Variants in ST6GAL2 observed in about 807,000 individuals in gnomAD.
The protein encoded by ST6GAL2 is ST6 beta-galactoside alpha-2,6-sialyltransferase 2.
A neutral mutation model predicts 37.5 loss-of-function variants in ST6GAL2; 24 were observed. The observed-to-expected ratio is 0.64, with a 90% CI of 0.46 to 0.90. The LOEUF is 0.90. ST6GAL2 is among the 40% of genes least tolerant of loss of function. The probability of loss-of-function intolerance (pLI) is 0.00; values close to 1 mark genes in which losing one functional copy is unlikely to be tolerated. For synonymous variants in ST6GAL2, 306 were observed against 295.1 expected, an observed-to-expected ratio of 1.04 and a Z score of -0.38; for missense variants, 715 against 712.7, an observed-to-expected ratio of 1.00 and a Z score of -0.04.
chr2:106,829,650 C>T (rs1220525877), intron 5 of ST6GAL2, among the ~76,000 whole-genome samples: 2 of 152,172 alleles, frequency 1.3e-5, no homozygotes, highest in Non-Finnish European at 2.9e-5. Flanking sequence ...CTTGCTTTTA[C>T]ACCTTGGAAT....
chr2:106,836,074 A>G (rs1304387983), intron 2 of ST6GAL2, among the ~76,000 whole-genome samples: 1 of 149,996 alleles, frequency 6.7e-6, no homozygotes, highest in East Asian at 1.9e-4. Context: ...CTAAAAGGTA[A>G]AACGGAATTT....
intron 1 of ST6GAL2, among the ~76,000 whole-genome samples, chr2:106,873,319 A>C (rs1453890088): frequency 6.6e-6 from 1 of 152,212 alleles, no homozygotes; most frequent in East Asian, 1.9e-4. Context: ...CCCAAGATCA[A>C]GGCCCTGCAT....
chr2:106,884,934 T>TATATATATATATATATATATACACAC (rs1425070594), intron 1 of ST6GAL2, among the ~76,000 whole-genome samples: 1 of 120,468 alleles, frequency 8.3e-6, no homozygotes. Flanking sequence ...TATATATATA[T>TATATATATATATATATATATACACAC]ACATACACAC....
rs537808510 is a variant in ST6GAL2, at chr2:106,867,699, C to T, written c.-58+18394G>A. On this transcript the variant is annotated intron_variant, in intron 1 of 5. Transcript: ENST00000409382. ...AGGGCACAGTGTGGTTAGGAACCCACCCCCAGCCCGACCCCCGCCGCCAAA... is the reference window on the plus strand; with the variant it reads ...AGGGCACAGTGTGGTTAGGAACCCATCCCCAGCCCGACCCCCGCCGCCAAA... Among the ~76,000 whole-genome samples the T allele has an allele frequency of 1.3e-3, 201 of 152,094 alleles. 1 individual carries two copies. Among genetic ancestry groups the T allele is most frequent in the African/African-American group, 4.3e-3 (179 of 41,490 alleles).
upstream of ST6GAL2, chr2:106,887,242 T>C: frequency 6.6e-6 from 1 of 152,272 alleles, no homozygotes; most frequent in Non-Finnish European, 1.5e-5. Context: ...GCTCGCTAGC[T>C]CCCTTTGTTC....
At chr2:106,831,756 T>G (rs1240784909) in intron 4 of ST6GAL2, among the ~76,000 whole-genome samples, 2 of 152,176 alleles carry the variant, frequency 1.3e-5, no homozygotes, top group Non-Finnish European at 2.9e-5. Flanking sequence ...GCTTTTATCT[T>G]GGGAGGTTAC....
intron 5 of ST6GAL2, among the ~76,000 whole-genome samples, chr2:106,811,030 G>A (rs1374980322): frequency 6.6e-6 from 1 of 152,134 alleles, no homozygotes; most frequent in African/African-American, 2.4e-5. Flanking sequence ...GGTTTATGGT[G>A]CCAAAGACGT....
At chr2:106,883,342 G>A (rs1242809541) in intron 1 of ST6GAL2, among the ~76,000 whole-genome samples, 1 of 152,158 alleles carries the variant, frequency 6.6e-6, no homozygotes, top group African/African-American at 2.4e-5. Context: ...CTCAAAAGTT[G>A]GAAGGAGAGC....
At chr2:106,866,517 C>A (rs1255629607) in intron 1 of ST6GAL2, among the ~76,000 whole-genome samples, 1 of 152,150 alleles carries the variant, frequency 6.6e-6, no homozygotes, top group African/African-American at 2.4e-5. Context: ...GGACTCAAAA[C>A]GAGTGCAAGG....
At chr2:106,880,600 T>C (rs1678709534) in intron 1 of ST6GAL2, among the ~76,000 whole-genome samples, 2 of 149,566 alleles carry the variant, frequency 1.3e-5, no homozygotes, top group South Asian at 2.1e-4. Context: ...CACACATAAG[T>C]ATGTTTTCCA....
rs1675320106 is a variant in ST6GAL2, at chr2:106,803,427, G to GT, written c.*3250dup. On this transcript the variant is annotated 3_prime_UTR_variant, in exon 6 of 6. Coordinates refer to ENST00000409382, the MANE Select transcript of ST6GAL2 (RefSeq NM_001142351.2). ...CTTGGTCCTGAGCACAAAGTTCTCTGTAAGAGCAGCTCTATAAGGACATAG... is the reference window on the plus strand; with the variant it reads ...CTTGGTCCTGAGCACAAAGTTCTCTGTTAAGAGCAGCTCTATAAGGACATAG... 6.6e-6 allele frequency: 1 copy of GT among 152,150 alleles called. No homozygotes were observed. Among genetic ancestry groups the GT allele is most frequent in the African/African-American group, 2.4e-5 (1 of 41,422 alleles). The allele number at this position is 152,150 out of a possible 1,614,324, so 9.4% of individuals were successfully genotyped here. A position where few individuals can be genotyped will look rare whatever the true frequency, so the allele number is the denominator to read the frequency against.
chr2:106,871,224 T>C (rs1438952226), intron 1 of ST6GAL2, among the ~76,000 whole-genome samples: 1 of 152,192 alleles, frequency 6.6e-6, no homozygotes, highest in Non-Finnish European at 1.5e-5. Flanking sequence ...ATAAAAGATT[T>C]AAAAATGGTA....
At position 106,864,580 on chromosome 2, in the gene ST6GAL2, T is replaced by A. The variant is rs1677945671; in HGVS notation, c.-57-20546A>T. ...TAACAAATACCTGGATTCAGATACA[T>A]TTCCAACATAAGTTTTTTTCATTTA... is the stretch of plus-strand genomic sequence containing the variant. On this transcript the variant is annotated intron_variant, in intron 1 of 5. Coordinates refer to ENST00000409382, the MANE Select transcript of ST6GAL2 (RefSeq NM_001142351.2). Among the ~76,000 whole-genome samples, 4 of 152,250 alleles carry A rather than the reference T, an allele frequency of 2.6e-5. No homozygotes were observed. In the South Asian group the frequency reaches 8.3e-4, roughly 31 times the overall value.
intron 1 of ST6GAL2, among the ~76,000 whole-genome samples, chr2:106,875,431 T>C (rs1207852535): frequency 1.3e-5 from 2 of 152,128 alleles, no homozygotes; most frequent in Non-Finnish European, 1.5e-5. Context: ...ACTCATTTTG[T>C]CCTCCCAAAG....
chr2:106,872,057 C>T (rs558386954), intron 1 of ST6GAL2, among the ~76,000 whole-genome samples: 15 of 152,302 alleles, frequency 9.8e-5, no homozygotes, highest in African/African-American at 2.4e-4. Flanking sequence ...CTAAAATACA[C>T]GTAATGCAGT....
upstream of ST6GAL2, chr2:106,886,613 A>T (rs1020592728): frequency 5.9e-5 from 9 of 151,688 alleles, no homozygotes; most frequent in African/African-American, 2.2e-4. Context: ...CCCCGGGGAG[A>T]GGCGGCGGTT....
At position 106,806,955 on chromosome 2, in the gene ST6GAL2, A is replaced by G. The variant is rs769515730; in HGVS notation, c.1319-6T>C. 1.2e-6 allele frequency: 2 copies of G among 1,602,394 alleles called. No individual in the cohort carries two copies. The highest frequency in any genetic ancestry group is 1.7e-6 in the Non-Finnish European group (2 of 1,171,444). The stretch of plus-strand genomic sequence containing the variant: ...GGACATCATTATGAGGATTCCTGAC[A>G]TGAAAACCAAAAATTAGAACCTAAT... On this transcript the variant is annotated splice_polypyrimidine_tract_variant and splice_region_variant and intron_variant, in intron 5 of 5. Transcript: ENST00000409382.
chr2:106,849,138 GC>G (rs776317871), intron 1 of ST6GAL2, among the ~76,000 whole-genome samples: 6 of 152,092 alleles, frequency 3.9e-5, no homozygotes, highest in Non-Finnish European at 7.3e-5. Flanking sequence ...CAAGCTTTGC[GC>G]TCAAATAAAC....
chr2:106,821,534 C>T (rs1402190311), intron 5 of ST6GAL2, among the ~76,000 whole-genome samples: 1 of 151,778 alleles, frequency 6.6e-6, no homozygotes, highest in African/African-American at 2.4e-5. Flanking sequence ...AATAAAGTTT[C>T]CCAGCAAAGA....
Sources: gnomAD v4.1 joint callset for allele counts (sites outside exome capture counted in the v4.1 genomes callset) on GRCh38, gnomAD v4.1.1 for gene constraint, MANE v1.5 for transcripts, NCBI Gene and HGNC (gene_info 2026-07-23, HGNC 2026-07-21) for gene names.